The following RMND5A variants were observed in gnomAD, a reference collection of about 807,000 sequenced individuals.
The protein encoded by RMND5A is required for meiotic nuclear division 5 homolog A.
In RMND5A, 17 loss-of-function variants were observed where a neutral mutation model predicts 49.7. The ratio of observed to expected loss-of-function variants is 0.34; its 90% CI spans 0.23 to 0.51. The LOEUF is 0.51. Ranked by LOEUF, RMND5A falls within the 20% of genes least tolerant of loss-of-function variation. RMND5A has a pLI of 0.96. For missense variants in RMND5A, 255 were observed against 471.3 expected (o/e 0.54, Z 4.25); for synonymous variants, 156 against 167.7 (o/e 0.93, Z 0.54).
chr2:86,729,634 G>A, intron 1 of RMND5A, among the ~76,000 whole-genome samples: 1 of 98,146 alleles, frequency 1.0e-5, no homozygotes, highest in Non-Finnish European at 2.5e-5. Flanking sequence ...GGAAGTTTTA[G>A]TAGCAGAGAT....
At chr2:86,759,692 C>T (rs1476143917) in intron 4 of RMND5A, among the ~76,000 whole-genome samples, 4 of 147,914 alleles carry the variant, frequency 2.7e-5, no homozygotes, top group Non-Finnish European at 6.0e-5. Context: ...CCCAGCTACT[C>T]GGGAGGCTGA....
chr2:86,759,433 A>C (rs1558724624), intron 4 of RMND5A, among the ~76,000 whole-genome samples: 1 of 152,174 alleles, frequency 6.6e-6, no homozygotes, highest in Non-Finnish European at 1.5e-5. Flanking sequence ...AGAAGAATGT[A>C]GTGGCAGAGA....
chr2:86,747,214 G>C (rs555020406), intron 2 of RMND5A, among the ~76,000 whole-genome samples: 11 of 152,270 alleles, frequency 7.2e-5, no homozygotes, highest in Admixed American at 2.0e-4. Flanking sequence ...AGATTAATCA[G>C]ATGGGTGTGA....
At chr2:86,764,003 TAC>T (rs1672550851) in intron 4 of RMND5A, among the ~76,000 whole-genome samples, 1 of 152,260 alleles carries the variant, frequency 6.6e-6, no homozygotes, top group Non-Finnish European at 1.5e-5. Flanking sequence ...TTAGAATGTT[TAC>T]ATGCTTGTGC....
At position 86,773,348 on chromosome 2, in the gene RMND5A, AT is replaced by A. The variant is rs1374195853; in HGVS notation, c.1115del (p.Leu372Ter). On this transcript the variant is annotated frameshift_variant and splice_region_variant, in exon 9 of 9. Transcript: ENST00000283632. LOFTEE classifies it high-confidence loss of function. Reference protein sequence around the residue: ...ALNKMFNGSKLKCPYCPMEQS... With the variant: ...ALNKMFNGSKXKCPYCPMEQS... ...TCAGTGTTTTCTTCTTTGTCTTTAG[AT>A]TAAAATGTCCCTACTGTCCAATGGA... 1 of 1,594,214 alleles carries A rather than the reference AT, an allele frequency of 6.3e-7. No homozygotes were observed.
At chr2:86,753,183 G>C (rs1681665772) in intron 3 of RMND5A, among the ~76,000 whole-genome samples, 1 of 152,096 alleles carries the variant, frequency 6.6e-6, no homozygotes, top group Non-Finnish European at 1.5e-5. Context: ...CCCAGAAAGG[G>C]GCAGAGTGCA....
rs767461002 is a variant in RMND5A at position 86,773,452 on chromosome 2, C to T, written c.*41C>T. 36 of 1,268,204 alleles carry T rather than the reference C, an allele frequency of 2.8e-5. No individual in the cohort carries two copies. Among genetic ancestry groups the T allele is most frequent in the Admixed American group, 1.7e-4 (10 of 59,394 alleles). 78.6% of individuals were successfully genotyped at this position (1,268,204 alleles called of 1,614,324 possible). On this transcript the variant is annotated 3_prime_UTR_variant, in exon 9 of 9. Coordinates refer to ENST00000283632, the MANE Select transcript of RMND5A (RefSeq NM_022780.4). ...TTGCAATTTGTAAGTGAAACTGAAT[C>T]GTGGGTGCATTTCAGAAGAGAACGT...
chr2:86,771,163 G>C (rs1475915955), intron 7 of RMND5A: 1 of 162,170 alleles, frequency 6.2e-6, no homozygotes, highest in African/African-American at 2.4e-5. Context: ...AAAAGAACTT[G>C]AGCCTTCACT....
chr2:86,729,176 A>C (rs1681319381), intron 1 of RMND5A, among the ~76,000 whole-genome samples: 1 of 152,232 alleles, frequency 6.6e-6, no homozygotes, highest in African/African-American at 2.4e-5. Context: ...AAAAGGTATA[A>C]GAAAGAGTCT....
intron 2 of RMND5A, among the ~76,000 whole-genome samples, chr2:86,742,528 G>A (rs1681466342): frequency 1.4e-5 from 2 of 147,562 alleles, no homozygotes; most frequent in African/African-American, 2.5e-5. Flanking sequence ...AAGAACTGTG[G>A]GAGTGGTGGT....
rs989294241 is a variant in RMND5A at position 86,775,338 on chromosome 2, T to C, written c.*1927T>C. On this transcript the variant is annotated 3_prime_UTR_variant, in exon 9 of 9. Transcript: ENST00000283632. ...TATTTTTCTTTCTTTCTTTTTTTTTTTTTTTTTTTTTACCCTTTTTCTCCT... is the reference window on the plus strand; with the variant it reads ...TATTTTTCTTTCTTTCTTTTTTTTTCTTTTTTTTTTTACCCTTTTTCTCCT... The C allele has an allele frequency of 4.7e-5, 7 of 150,172 alleles. No homozygotes were observed. The highest frequency in any genetic ancestry group is 1.7e-4 in the African/African-American group (7 of 40,994). 9.3% of individuals were successfully genotyped at this position (150,172 alleles called of 1,614,324 possible). A position where few individuals can be genotyped will look rare whatever the true frequency, so the allele number is the denominator to read the frequency against.
At chr2:86,767,094 T>C (rs1672611130) in intron 6 of RMND5A, among the ~76,000 whole-genome samples, 1 of 152,170 alleles carries the variant, frequency 6.6e-6, no homozygotes, top group African/African-American at 2.4e-5. Flanking sequence ...AGATGGAGTC[T>C]CCCTCTGTCC....
At chr2:86,751,117 T>C (rs961790161) in intron 2 of RMND5A, among the ~76,000 whole-genome samples, 1 of 152,212 alleles carries the variant, frequency 6.6e-6, no homozygotes, top group Non-Finnish European at 1.5e-5. Flanking sequence ...ATTATAGTAC[T>C]CTGGGTCTTG....
chr2:86,755,139 CAG>C (rs1300088378), intron 4 of RMND5A, among the ~76,000 whole-genome samples: 2 of 143,100 alleles, frequency 1.4e-5, no homozygotes, highest in East Asian at 2.0e-4. Context: ...CCCAAAGAGA[CAG>C]AGTCTTGCTC....
chr2:86,773,481 A>G lies in RMND5A; in HGVS notation c.*70A>G, dbSNP rs1390643660. On this transcript the variant is annotated 3_prime_UTR_variant, in exon 9 of 9. Coordinates refer to ENST00000283632, the MANE Select transcript of RMND5A (RefSeq NM_022780.4). ...GGTGCATTTCAGAAGAGAACGTTCC[A>G]TATAATGCAGCTAACCAAGGACTCC... 7 of 1,003,508 alleles carry G rather than the reference A, an allele frequency of 7.0e-6. No homozygotes were observed. In the East Asian group the frequency reaches 7.2e-5, roughly 10 times the overall value. 62.2% of individuals were successfully genotyped at this position (1,003,508 alleles called of 1,614,324 possible). A position where few individuals can be genotyped will look rare whatever the true frequency, so the allele number is the denominator to read the frequency against.
At chr2:86,759,451 A>G (rs918908236) in intron 4 of RMND5A, among the ~76,000 whole-genome samples, 25 of 152,164 alleles carry the variant, frequency 1.6e-4, no homozygotes, top group African/African-American at 5.3e-4. Context: ...AGATCAGTGT[A>G]ACACTGTTGA....
In RMND5A at chr2:86,720,727, C is replaced by T. The variant is rs1681189355; in HGVS notation, c.60C>T (p.Gly20=). The change falls in exon 1 of 9, where the codon GGC becomes GGT. Residue 20 remains glycine (G), a synonymous_variant. Transcript: ENST00000283632. Reference sequence around the variant, plus strand: ...AGAAGGTGCTGCACAAGTTCTCAGGCTACGGGCAGCTGTGCGAGCGCGGCC... The same window carrying T: ...AGAAGGTGCTGCACAAGTTCTCAGGTTACGGGCAGCTGTGCGAGCGCGGCC... ...ELEKVLHKFS[G]YGQLCERGLE... 1 of 1,588,176 alleles carries T rather than the reference C, an allele frequency of 6.3e-7. No individual in the cohort carries two copies. The highest frequency in any genetic ancestry group is 8.6e-7 in the Non-Finnish European group (1 of 1,168,302).
rs1681675174 is a variant in RMND5A, at chr2:86,753,534, T to A, written c.497T>A (p.Val166Asp). The A allele has an allele frequency of 3.1e-6, 5 of 1,608,014 alleles. No individual in the cohort carries two copies. In the South Asian group the frequency reaches 5.5e-5, roughly 18 times the overall value. The change falls in exon 4 of 9, where the codon GTC (valine) becomes GAC (aspartate). Residue 166 changes from valine to aspartate, a missense_variant. Coordinates refer to ENST00000283632, the MANE Select transcript of RMND5A (RefSeq NM_022780.4). ...ELNRILEALK[V>D]RVLRPALEWA... is the part of the protein sequence containing the mutation. ...AATAGAATATTAGAGGCATTAAAGG[T>A]CAGAGTTCTGAGACCTGCTCTGGAG...
In RMND5A at chr2:86,775,332, T is replaced by TC. The variant is rs1318673144; in HGVS notation, c.*1921_*1922insC. 3 of 142,382 alleles carry TC rather than the reference T, an allele frequency of 2.1e-5. No individual in the cohort carries two copies. Among genetic ancestry groups the TC allele is most frequent in the African/African-American group, 7.5e-5 (3 of 40,230 alleles). The allele number at this position is 142,382 out of a possible 1,614,324, so 8.8% of individuals were successfully genotyped here. A position where few individuals can be genotyped will look rare whatever the true frequency, so the allele number is the denominator to read the frequency against. On this transcript the variant is annotated 3_prime_UTR_variant, in exon 9 of 9. Coordinates refer to ENST00000283632, the MANE Select transcript of RMND5A (RefSeq NM_022780.4). ...GTGTTGTATTTTTCTTTCTTTCTTTTTTTTTTTTTTTTTTTTTACCCTTTT... is the reference window on the plus strand; with the variant it reads ...GTGTTGTATTTTTCTTTCTTTCTTTTCTTTTTTTTTTTTTTTTTACCCTTTT...
Sources: gnomAD v4.1 joint callset for allele counts (sites outside exome capture counted in the v4.1 genomes callset) on GRCh38, gnomAD v4.1.1 for gene constraint, MANE v1.5 for transcripts, NCBI Gene and HGNC (gene_info 2026-07-23, HGNC 2026-07-21) for gene names.